CALN1: variants seen among roughly 807,000 people sequenced by gnomAD.
CALN1 encodes the protein calneuron 1.
A neutral mutation model predicts 30.6 loss-of-function variants in CALN1; 17 were observed. The ratio of observed to expected loss-of-function variants is 0.56; its 90% CI spans 0.38 to 0.83. The LOEUF (loss-of-function observed/expected upper bound fraction) is 0.83. Among genes scored for constraint, CALN1 ranks in the 40% least tolerant of loss-of-function variants. The pLI is 0.00. For missense variants in CALN1, 291 were observed against 354.9 expected, an observed-to-expected ratio of 0.82 and a Z score of 1.45; for synonymous variants, 156 against 131.4, an observed-to-expected ratio of 1.19 and a Z score of -1.28.
At chr7:71,822,332 TC>T (rs1788643559) in intron 5 of CALN1, among the ~76,000 whole-genome samples, 1 of 152,180 alleles carries the variant, frequency 6.6e-6, no homozygotes, top group South Asian at 2.1e-4. Context: ...CACTGCAACC[TC>T]CGCCTCCCGG....
At chr7:72,025,591 A>G (rs926953367) in intron 4 of CALN1, among the ~76,000 whole-genome samples, 1 of 152,164 alleles carries the variant, frequency 6.6e-6, no homozygotes, top group South Asian at 2.1e-4. Flanking sequence ...AGCCAACTCA[A>G]CAGACAAGAG....
At chr7:72,277,629 G>A (rs1000674349) in intron 3 of CALN1, among the ~76,000 whole-genome samples, 1 of 152,118 alleles carries the variant, frequency 6.6e-6, no homozygotes, top group Non-Finnish European at 1.5e-5. Flanking sequence ...CAAGCAAAAT[G>A]GATGAGAGAA....
At chr7:72,134,530 T>C (rs1269988645) in intron 3 of CALN1, among the ~76,000 whole-genome samples, 1 of 152,252 alleles carries the variant, frequency 6.6e-6, no homozygotes, top group African/African-American at 2.4e-5. Context: ...AAATTTACAT[T>C]ATACTTTTGT....
At chr7:71,943,272 G>A (rs1796230733) in intron 5 of CALN1, among the ~76,000 whole-genome samples, 1 of 152,158 alleles carries the variant, frequency 6.6e-6, no homozygotes. Flanking sequence ...AAACAACACA[G>A]TATATTTTAA....
intron 3 of CALN1, among the ~76,000 whole-genome samples, chr7:72,277,896 T>C (rs1260069821): frequency 6.6e-6 from 1 of 150,604 alleles, no homozygotes; most frequent in Non-Finnish European, 1.5e-5. Context: ...AATGATATTA[T>C]TACAAACAAC....
intron 3 of CALN1, among the ~76,000 whole-genome samples, chr7:72,257,829 G>C (rs2129552560): frequency 6.6e-6 from 1 of 152,318 alleles, no homozygotes. Context: ...CTTAGATGGA[G>C]TTGGAGGCCA....
chr7:72,094,369 C>T (rs763559574), intron 4 of CALN1, among the ~76,000 whole-genome samples: 1 of 152,090 alleles, frequency 6.6e-6, no homozygotes, highest in Non-Finnish European at 1.5e-5. Context: ...ATTCTCCTGC[C>T]GCCACCTCCC....
intron 3 of CALN1, among the ~76,000 whole-genome samples, chr7:72,140,266 G>T (rs1249842446): frequency 1.7e-5 from 2 of 119,908 alleles, no homozygotes; most frequent in Non-Finnish European, 3.4e-5. Flanking sequence ...GTGAGACCTT[G>T]TCTCAAAATA....
intron 2 of CALN1, among the ~76,000 whole-genome samples, chr7:72,388,714 G>A (rs1585637151): frequency 6.6e-6 from 1 of 152,162 alleles, no homozygotes; most frequent in African/African-American, 2.4e-5. Context: ...GAGAGAGAGA[G>A]AATCATGGCT....
chr7:71,919,565 T>C (rs1464692940), intron 5 of CALN1, among the ~76,000 whole-genome samples: 2 of 152,224 alleles, frequency 1.3e-5, no homozygotes, highest in Non-Finnish European at 2.9e-5. Flanking sequence ...TTTTAAGTGA[T>C]AGTAGCTATA....
the CALN1 span, among the ~76,000 whole-genome samples, chr7:72,487,736 AG>A: frequency 9.0e-5 from 10 of 110,712 alleles, no homozygotes; most frequent in Non-Finnish European, 1.1e-4. Flanking sequence ...AAAGAAAGAA[AG>A]GAAGGAAGGA....
chr7:72,205,098 T>C lies in CALN1; in HGVS notation c.244+73588A>G, dbSNP rs1057013251. 4.6e-5 allele frequency among the ~76,000 whole-genome samples: 7 copies of C among 152,302 alleles called. No homozygotes were observed. In the East Asian group the frequency reaches 1.3e-3, roughly 29 times the overall value. ...ATTTTCAATTTCTATTACTAAAAGT[T>C]GGGGATTCTTCTCTGTAGGCTTATT... is the stretch of plus-strand genomic sequence containing the variant. On this transcript the variant is annotated intron_variant, in intron 3 of 6. Coordinates refer to ENST00000395275, the MANE Select transcript of CALN1 (RefSeq NM_031468.4).
At position 71,968,280 on chromosome 7, in the gene CALN1, G is replaced by A. The variant is rs191114033; in HGVS notation, c.501+55377C>T. Among the ~76,000 whole-genome samples the A allele has an allele frequency of 2.6e-5, 4 of 152,206 alleles. No homozygotes were observed. The East Asian group carries it at 7.7e-4, about 29-fold the overall frequency. ...ATTATACTGAATGAAAAAAAGCCAG[G>A]CCAAAAGGTTATATACTGTTTCATT... On this transcript the variant is annotated intron_variant, in intron 5 of 6. Transcript: ENST00000395275.
At chr7:72,019,380 C>A in intron 5 of CALN1, among the ~76,000 whole-genome samples, 1 of 152,146 alleles carries the variant, frequency 6.6e-6, no homozygotes, top group East Asian at 1.9e-4. Flanking sequence ...TGGCTCCTGC[C>A]TCCTGGCATT....
At chr7:72,434,348 C>CA (rs542641679) in intron 1 of CALN1, among the ~76,000 whole-genome samples, 1,299 of 105,074 alleles carry the variant, frequency 0.012, 17 homozygotes, top group Admixed American at 0.039. Flanking sequence ...ACTAAAATAC[C>CA]AAAAAAAAAA....
intron 2 of CALN1, among the ~76,000 whole-genome samples, chr7:72,396,434 A>AG: frequency 6.6e-6 from 1 of 151,166 alleles, no homozygotes; most frequent in South Asian, 2.1e-4. Context: ...AAAAAAAAAA[A>AG]AAAGGAAACA....
chr7:71,956,082 G>A (rs768415055), intron 5 of CALN1, among the ~76,000 whole-genome samples: 1 of 151,928 alleles, frequency 6.6e-6, no homozygotes, highest in Non-Finnish European at 1.5e-5. Context: ...CTGCCTCCTG[G>A]GTTCAAGCAA....
intron 4 of CALN1, among the ~76,000 whole-genome samples, chr7:72,027,084 T>C (rs573759392): frequency 6.6e-6 from 1 of 152,268 alleles, no homozygotes; most frequent in South Asian, 2.1e-4. Flanking sequence ...AAAATAACAT[T>C]AGCCAATGTT....
intron 3 of CALN1, among the ~76,000 whole-genome samples, chr7:72,219,942 TA>T (rs199533877): frequency 2.0e-5 from 3 of 150,556 alleles, no homozygotes; most frequent in East Asian, 3.9e-4. Context: ...TAGCCTCCTA[TA>T]AAAAAAAATT....
Sources: allele counts gnomAD v4.1 joint callset (sites outside exome capture counted in the v4.1 genomes callset), GRCh38; gene constraint gnomAD v4.1.1; transcripts MANE v1.5; gene names NCBI Gene and HGNC (gene_info 2026-07-23, HGNC 2026-07-21).